TENT2: variants seen among roughly 807,000 people sequenced by gnomAD.
TENT2 encodes terminal nucleotidyltransferase 2.
Under a neutral mutation model 72.2 loss-of-function variants are expected in TENT2, and 44 were observed. The ratio of observed to expected loss-of-function variants is 0.61; its 90% confidence interval spans 0.48 to 0.78. The LOEUF (loss-of-function observed/expected upper bound fraction) is 0.78. Ranked by LOEUF, TENT2 falls within the 30% of genes least tolerant of loss-of-function variation. TENT2 has a pLI of 0.00. For synonymous variants in TENT2, 212 were observed against 192.5 expected, an observed-to-expected ratio of 1.10 and a Z score of -0.84; for missense variants, 541 against 569.6, an observed-to-expected ratio of 0.95 and a Z score of 0.51.
rs77300748 is a variant in TENT2 at position 79,652,572 on chromosome 5, CA to C, written c.1027+3386del. On this transcript the variant is annotated intron_variant, in intron 10 of 14. Transcript: ENST00000453514. Reference sequence around the variant, plus strand: ...GATTTTTTTGACTTATCGAGAGAGACAAAATAGTTTAAATGGGCCATCATTT... The same window carrying C: ...GATTTTTTTGACTTATCGAGAGAGACAAATAGTTTAAATGGGCCATCATTT... 4.1e-3 allele frequency among the ~76,000 whole-genome samples: 624 copies of C among 151,984 alleles called. 26 individuals carry two copies. In the East Asian group the frequency reaches 0.085, roughly 21 times the overall value.
chr5:79,625,039 T>G (rs1768341311), intron 4 of TENT2, among the ~76,000 whole-genome samples: 1 of 152,240 alleles, frequency 6.6e-6, no homozygotes. Context: ...TTTCTTTACA[T>G]GCTTTTGAAC....
chr5:79,651,371 T>C (rs1023009563), intron 10 of TENT2, among the ~76,000 whole-genome samples: 2 of 151,972 alleles, frequency 1.3e-5, no homozygotes, highest in African/African-American at 2.4e-5. Flanking sequence ...TCTCAGACTT[T>C]TAGATTTCAA....
At chr5:79,681,307 G>C (rs1186722413) in intron 13 of TENT2, among the ~76,000 whole-genome samples, 1 of 150,958 alleles carries the variant, frequency 6.6e-6, no homozygotes, top group Non-Finnish European at 1.5e-5. Context: ...CTACAGGCGC[G>C]CACCACCATG....
chr5:79,659,205 T>C (rs540960239), intron 11 of TENT2, among the ~76,000 whole-genome samples: 1 of 152,092 alleles, frequency 6.6e-6, no homozygotes, highest in African/African-American at 2.4e-5. Flanking sequence ...TAATGGTCCG[T>C]CTGATGGAAC....
intron 11 of TENT2, 61 bp from the exon 12 acceptor site, chr5:79,668,831 A>G (rs1810575057): frequency 4.6e-6 from 7 of 1,506,620 alleles, no homozygotes; most frequent in Non-Finnish European, 6.2e-6. Context: ...CAGGATTTAT[A>G]AAGTTTCTTA....
chr5:79,675,041 G>A (rs1356969936), intron 12 of TENT2, among the ~76,000 whole-genome samples: 1 of 151,972 alleles, frequency 6.6e-6, no homozygotes, highest in Non-Finnish European at 1.5e-5. Context: ...AGAAGACAGA[G>A]GGAGAATAAT....
At chr5:79,626,966 C>T (rs1580242518) in intron 4 of TENT2, among the ~76,000 whole-genome samples, 1 of 151,848 alleles carries the variant, frequency 6.6e-6, no homozygotes, top group South Asian at 2.1e-4. Context: ...CCCGTCTCTA[C>T]TAAAAATACA....
At position 79,682,043 on chromosome 5, in the gene TENT2, C is replaced by A; in HGVS notation, c.1362C>A (p.Ile454=). Reference sequence around the variant, plus strand: ...ACGAAAAGCAGAAATTTGATATGATCAAGGATCAATTTTTAAAGGTAAACA... The same window carrying A: ...ACGAAAAGCAGAAATTTGATATGATAAAGGATCAATTTTTAAAGGTAAACA... The part of the protein sequence containing the change: ...AVHEKQKFDM[I]KDQFLKSWHR... The change falls in exon 14 of 15, where the codon ATC becomes ATA. Residue 454 remains isoleucine (I), a synonymous_variant. Coordinates refer to ENST00000453514, the MANE Select transcript of TENT2 (RefSeq NM_001114394.3). 3 of 1,612,570 alleles carry A rather than the reference C, an allele frequency of 1.9e-6. No individual in the cohort carries two copies. In the South Asian group the frequency reaches 3.3e-5, roughly 18 times the overall value.
intron 7 of TENT2, 113 bp downstream of exon 7, chr5:79,643,023 T>C: frequency 7.9e-7 from 1 of 1,267,560 alleles, no homozygotes; most frequent in Non-Finnish European, 1.0e-6. Flanking sequence ...CAGTATAATA[T>C]GAATTCTTTT....
chr5:79,674,274 C>CA (rs1815352208), intron 12 of TENT2, among the ~76,000 whole-genome samples: 1 of 152,104 alleles, frequency 6.6e-6, no homozygotes, highest in African/African-American at 2.4e-5. Flanking sequence ...CCCAGCTACT[C>CA]ACGAGGCTGA....
chr5:79,644,842 CTAGA>C, intron 7 of TENT2: 1 of 261,368 alleles, frequency 3.8e-6, no homozygotes, highest in Non-Finnish European at 7.2e-6. Flanking sequence ...TGCTGCTAGC[CTAGA>C]TATATTTTCA....
chr5:79,649,122 T>C lies in TENT2; in HGVS notation c.959T>C (p.Ile320Thr). The C allele has an allele frequency of 6.2e-7, 1 of 1,613,508 alleles. No homozygotes were observed. The highest frequency in any genetic ancestry group is 1.7e-5 in the Admixed American group (1 of 59,894). The change falls in exon 10 of 15, where the codon ATA becomes ACA. Residue 320 changes from isoleucine (I) to threonine (T), a missense_variant. By Grantham distance (89) the Ile-to-Thr change is moderately conservative (BLOSUM62 -1). Coordinates refer to ENST00000453514, the MANE Select transcript of TENT2 (RefSeq NM_001114394.3). ...VIKKWASHHQ[I>T]NDASRGTLSS... ...AAGAAGTGGGCAAGTCACCATCAGA[T>C]AAATGATGCCAGTCGTGGTACTTTA...
At position 79,619,705 on chromosome 5, in the gene TENT2, T is replaced by A; in HGVS notation, c.57T>A (p.His19Gln). The A allele has an allele frequency of 6.2e-7, 1 of 1,613,852 alleles. No homozygotes were observed. Among genetic ancestry groups the A allele is most frequent in the Non-Finnish European group, 8.5e-7 (1 of 1,179,790 alleles). The part of the protein sequence containing the change: ...RPPFTPNHQQ[H>Q]NNFFTLSPTV... ...CCTTCACTCCAAATCATCAACAACATAATAACTTCTTTACCCTGTCACCTA... is the reference window on the plus strand; with the variant it reads ...CCTTCACTCCAAATCATCAACAACAAAATAACTTCTTTACCCTGTCACCTA... Residue 19 changes from histidine (H) to glutamine (Q), a missense_variant, in exon 2 of 15, where the codon CAT (histidine) becomes CAA (glutamine). Transcript: ENST00000453514.
intron 3 of TENT2, among the ~76,000 whole-genome samples, chr5:79,621,554 C>T (rs1764808003): frequency 6.6e-6 from 1 of 151,686 alleles, no homozygotes; most frequent in Admixed American, 6.6e-5. Flanking sequence ...GTCAGGAGAT[C>T]GAGACCATCC....
intron 14 of TENT2, among the ~76,000 whole-genome samples, chr5:79,684,353 G>T (rs376459735): frequency 3.9e-5 from 6 of 152,204 alleles, no homozygotes; most frequent in Admixed American, 2.6e-4. Flanking sequence ...AATCTCCTGC[G>T]CTCAATGATC....
At chr5:79,669,531 T>C (rs897192392) in intron 12 of TENT2, among the ~76,000 whole-genome samples, 3 of 152,168 alleles carry the variant, frequency 2.0e-5, no homozygotes, top group Non-Finnish European at 4.4e-5. Context: ...AAACAAAGAA[T>C]GTATAATCAG....
At chr5:79,643,729 A>G (rs75241809) in intron 7 of TENT2, among the ~76,000 whole-genome samples, 1 of 152,202 alleles carries the variant, frequency 6.6e-6, no homozygotes, top group Non-Finnish European at 1.5e-5. Flanking sequence ...ACCTACTTGA[A>G]TTTTTAATAG....
Position 79,668,933 on chromosome 5 carries a change from A to G in TENT2, c.1113A>G (p.Gln371=). 1 of 1,613,782 alleles carries G rather than the reference A, an allele frequency of 6.2e-7. No homozygotes were observed. Among genetic ancestry groups the G allele is most frequent in the African/African-American group, 1.3e-5 (1 of 75,012 alleles). ...CTATACAGCTGCACCTTGTACATCA[A>G]GCTCCATGTAATGTTCCTCCTTACC... ...SPAIQLHLVH[Q]APCNVPPYLS... The change falls in exon 12 of 15, where the codon CAA becomes CAG. Residue 371 remains glutamine, a synonymous_variant. Coordinates refer to ENST00000453514, the MANE Select transcript of TENT2 (RefSeq NM_001114394.3).
At chr5:79,661,824 CA>C (rs1188825348) in intron 11 of TENT2, among the ~76,000 whole-genome samples, 1 of 152,058 alleles carries the variant, frequency 6.6e-6, no homozygotes, top group Non-Finnish European at 1.5e-5. Flanking sequence ...GATTCTTCTT[CA>C]AAAAGATTTC....
Sources: allele counts gnomAD v4.1 joint callset (sites outside exome capture counted in the v4.1 genomes callset), GRCh38; gene constraint gnomAD v4.1.1; transcripts MANE v1.5; gene names NCBI Gene and HGNC (gene_info 2026-07-23, HGNC 2026-07-21).